The following BBS9 variants were observed in gnomAD, a reference collection of about 807,000 sequenced individuals.
BBS9 encodes protein PTHB1.
A neutral mutation model predicts 117.7 loss-of-function variants in BBS9; 89 were observed. The ratio of observed to expected loss-of-function variants is 0.76; its 90% CI spans 0.64 to 0.90. The LOEUF (loss-of-function observed/expected upper bound fraction) is 0.90, where lower values mean the gene tolerates loss of function less well. BBS9 is among the 40% of genes least tolerant of loss of function. The pLI is 0.00. For missense variants in BBS9, 982 were observed against 1,042.2 expected (o/e 0.94, Z 0.80); for synonymous variants, 379 against 370.9 (o/e 1.02, Z -0.25).
At chr7:33,332,360 C>T (rs1814266817) in intron 9 of BBS9, among the ~76,000 whole-genome samples, 1 of 151,936 alleles carries the variant, frequency 6.6e-6, no homozygotes, top group Non-Finnish European at 1.5e-5. Flanking sequence ...CCACCTGTAC[C>T]CCAAAAACTA....
intron 21 of BBS9, among the ~76,000 whole-genome samples, chr7:33,568,407 C>T (rs1007874964): frequency 6.6e-6 from 1 of 152,256 alleles, no homozygotes; most frequent in South Asian, 2.1e-4. Context: ...CTAGGTAACC[C>T]TATCGCTTAC....
Position 33,344,573 on chromosome 7 carries a change from G to T in BBS9, c.1276-8G>T. 1 of 1,613,866 alleles carries T rather than the reference G, an allele frequency of 6.2e-7. No individual in the cohort carries two copies. The highest frequency in any genetic ancestry group is 8.5e-7 in the Non-Finnish European group (1 of 1,179,844). On this transcript the variant is annotated splice_region_variant and splice_polypyrimidine_tract_variant and intron_variant, in intron 11 of 22. Coordinates refer to ENST00000242067, the MANE Select transcript of BBS9 (RefSeq NM_198428.3). Reference sequence around the variant, plus strand: ...TTCTTTCTTGCCTTCTCAATTCTGTGTTTACAGCAAGCGACCGATGTTGAG... The same window carrying T: ...TTCTTTCTTGCCTTCTCAATTCTGTTTTTACAGCAAGCGACCGATGTTGAG...
At chr7:33,521,213 G>T (rs7802391) in intron 20 of BBS9, among the ~76,000 whole-genome samples, 4,861 of 152,296 alleles carry the variant, frequency 0.032, 110 homozygotes, top group African/African-American at 0.063. Flanking sequence ...TGGAATGGGA[G>T]TACAGGTCAA....
intron 21 of BBS9, among the ~76,000 whole-genome samples, chr7:33,567,570 C>T (rs986602550): frequency 6.6e-6 from 1 of 152,040 alleles, no homozygotes; most frequent in African/African-American, 2.4e-5. Context: ...GTTGGTATTC[C>T]TTCAGATTCT....
intron 19 of BBS9, among the ~76,000 whole-genome samples, chr7:33,418,118 G>A (rs1240926216): frequency 1.3e-5 from 2 of 152,272 alleles, no homozygotes; most frequent in Non-Finnish European, 2.9e-5. Flanking sequence ...TGGCATCTTG[G>A]GAGGAAATTT....
intron 5 of BBS9, among the ~76,000 whole-genome samples, chr7:33,203,728 C>CTTTTCTTTTT (rs1016054264): frequency 6.6e-6 from 1 of 151,030 alleles, no homozygotes; most frequent in Non-Finnish European, 1.5e-5. Context: ...CTTTTCTTTT[C>CTTTTCTTTTT]TTTTTTTTTC....
In BBS9 at chr7:33,516,233, G is replaced by A. The variant is rs543656035; in HGVS notation, c.2298+10588G>A. On this transcript the variant is annotated intron_variant, in intron 20 of 22. Coordinates refer to ENST00000242067, the MANE Select transcript of BBS9 (RefSeq NM_198428.3). ...AGGCCGGGCGCGGTGGCTCACACCTGTAATCCCAGCACTTTGGGAGGCTGT... is the reference window on the plus strand; with the variant it reads ...AGGCCGGGCGCGGTGGCTCACACCTATAATCCCAGCACTTTGGGAGGCTGT... 5.3e-5 allele frequency among the ~76,000 whole-genome samples: 8 copies of A among 152,206 alleles called. No homozygotes were observed. In the East Asian group the frequency reaches 1.5e-3, roughly 29 times the overall value.
intron 19 of BBS9, among the ~76,000 whole-genome samples, chr7:33,473,280 G>A (rs1455630606): frequency 6.6e-6 from 1 of 152,164 alleles, no homozygotes; most frequent in Non-Finnish European, 1.5e-5. Flanking sequence ...TTAATTGGCT[G>A]TACAAGTATC....
intron 21 of BBS9, among the ~76,000 whole-genome samples, chr7:33,561,246 C>T (rs774070064): frequency 6.6e-6 from 1 of 152,124 alleles, no homozygotes; most frequent in Non-Finnish European, 1.5e-5. Flanking sequence ...GAACTGCTAC[C>T]ATTGTCCAAT....
intron 18 of BBS9, among the ~76,000 whole-genome samples, chr7:33,384,181 C>T (rs1396230858): frequency 2.0e-5 from 3 of 152,176 alleles, no homozygotes; most frequent in African/African-American, 7.2e-5. Flanking sequence ...TCTAGCAGGC[C>T]ATAAATGAGG....
chr7:33,234,229 C>G (rs1793038411), intron 5 of BBS9, among the ~76,000 whole-genome samples: 1 of 151,892 alleles, frequency 6.6e-6, no homozygotes, highest in Non-Finnish European at 1.5e-5. Flanking sequence ...TAGGAAAAAA[C>G]AGTGTGTGTA....
rs1041737775 is a variant in BBS9 at position 33,341,101 on chromosome 7, G to A, written c.1275+128G>A. On this transcript the variant is annotated intron_variant, in intron 11 of 22. Transcript: ENST00000242067. ...CTTCAGGGAGGATAACAAATTGTAGGCCTTGTTATTTTCTAGATAAAAACA... is the reference window on the plus strand; with the variant it reads ...CTTCAGGGAGGATAACAAATTGTAGACCTTGTTATTTTCTAGATAAAAACA... The A allele has an allele frequency of 5.3e-6, 4 of 756,552 alleles. No homozygotes were observed. The East Asian group carries it at 8.0e-5, about 15-fold the overall frequency. 46.9% of individuals were successfully genotyped at this position (756,552 alleles called of 1,614,324 possible). A position where few individuals can be genotyped will look rare whatever the true frequency, so the allele number is the denominator to read the frequency against.
At chr7:33,466,063 G>GAT (rs1341522312) in intron 19 of BBS9, among the ~76,000 whole-genome samples, 23 of 151,722 alleles carry the variant, frequency 1.5e-4, no homozygotes, top group South Asian at 4.1e-4. Flanking sequence ...TTTTGAGAGA[G>GAT]AGATATATAT....
chr7:33,608,590 G>A (rs990323147), downstream of BBS9, among the ~76,000 whole-genome samples: 7 of 152,030 alleles, frequency 4.6e-5, no homozygotes, highest in African/African-American at 1.7e-4. Flanking sequence ...GTGTGAGAGG[G>A]TGTCTCATTG....
At chr7:33,309,925 G>C (rs751419565) in intron 9 of BBS9, among the ~76,000 whole-genome samples, 2 of 152,182 alleles carry the variant, frequency 1.3e-5, no homozygotes, top group Non-Finnish European at 2.9e-5. Flanking sequence ...TTAGGAGGCA[G>C]GATGAAGAGA....
chr7:33,177,774 T>C (rs1797542794), intron 5 of BBS9, 183 bp downstream of exon 5: 2 of 599,532 alleles, frequency 3.3e-6, no homozygotes, highest in Admixed American at 2.5e-5. Flanking sequence ...GTGCCTGATA[T>C]CGTCTGATCT....
intron 19 of BBS9, among the ~76,000 whole-genome samples, chr7:33,460,178 C>T (rs149501653): frequency 1.2e-4 from 18 of 152,250 alleles, no homozygotes; most frequent in Middle Eastern, 3.4e-3. Context: ...TGAAAATCTG[C>T]ATAATGATGA....
intron 19 of BBS9, among the ~76,000 whole-genome samples, chr7:33,460,989 G>T (rs1159883489): frequency 6.6e-6 from 1 of 152,014 alleles, no homozygotes; most frequent in African/African-American, 2.4e-5. Context: ...TATACAATAT[G>T]TGATCTTTGC....
intron 5 of BBS9, among the ~76,000 whole-genome samples, chr7:33,191,687 T>A (rs1385167347): frequency 6.6e-6 from 1 of 152,220 alleles, no homozygotes; most frequent in Non-Finnish European, 1.5e-5. Context: ...TTGTGTGTAT[T>A]TTGAGGATTT....
Sources: gnomAD v4.1 joint callset for allele counts (sites outside exome capture counted in the v4.1 genomes callset) on GRCh38, gnomAD v4.1.1 for gene constraint, MANE v1.5 for transcripts, NCBI Gene and HGNC (gene_info 2026-07-23, HGNC 2026-07-21) for gene names.